EXOC4: variants seen among roughly 807,000 people sequenced by gnomAD.
EXOC4 encodes the protein exocyst complex component 4, also known as SEC8-like 1.
Under a neutral mutation model 107.2 loss-of-function variants are expected in EXOC4, and 71 were observed. The ratio of observed to expected loss-of-function variants is 0.66; its 90% CI spans 0.55 to 0.81. The LOEUF is 0.81. EXOC4 is among the 30% of genes least tolerant of loss of function. EXOC4 has a pLI of 0.00. For missense variants in EXOC4, 1,108 were observed against 1,189.6 expected, an observed-to-expected ratio of 0.93 and a Z score of 1.01; for synonymous variants, 456 against 441.2, an observed-to-expected ratio of 1.03 and a Z score of -0.42.
At chr7:133,347,923 A>G (rs186376492) in intron 5 of EXOC4, among the ~76,000 whole-genome samples, 1 of 152,308 alleles carries the variant, frequency 6.6e-6, no homozygotes, top group Non-Finnish European at 1.5e-5. Flanking sequence ...AATCAAGGGT[A>G]AGAGAACTGG....
At chr7:133,589,163 G>T (rs1479140722) in intron 9 of EXOC4, among the ~76,000 whole-genome samples, 1 of 152,166 alleles carries the variant, frequency 6.6e-6, no homozygotes, top group Non-Finnish European at 1.5e-5. Context: ...ACCTAACCGT[G>T]TCAGTGCCAT....
At chr7:133,367,448 G>T (rs1160588247) in intron 6 of EXOC4, among the ~76,000 whole-genome samples, 2 of 152,134 alleles carry the variant, frequency 1.3e-5, no homozygotes, top group African/African-American at 4.8e-5. Context: ...TTCTTGGATG[G>T]AGCAAAATAA....
At chr7:133,693,355 C>T (rs960508029) in intron 10 of EXOC4, among the ~76,000 whole-genome samples, 1 of 152,186 alleles carries the variant, frequency 6.6e-6, no homozygotes, top group African/African-American at 2.4e-5. Context: ...AGTCAAAATT[C>T]TTCCACCTTC....
At chr7:133,355,594 AT>A (rs1457001286) in intron 5 of EXOC4, among the ~76,000 whole-genome samples, 3 of 152,020 alleles carry the variant, frequency 2.0e-5, no homozygotes, top group African/African-American at 7.2e-5. Flanking sequence ...TATTTCTTCC[AT>A]TTCAGTGCCA....
intron 17 of EXOC4, among the ~76,000 whole-genome samples, chr7:134,031,698 G>A (rs1258193024): frequency 6.6e-6 from 1 of 152,142 alleles, no homozygotes; most frequent in African/African-American, 2.4e-5. Context: ...TGAAGAAATA[G>A]CAATTCCAAA....
At chr7:133,531,811 T>A (rs1220882479) in intron 9 of EXOC4, among the ~76,000 whole-genome samples, 1 of 152,072 alleles carries the variant, frequency 6.6e-6, no homozygotes, top group Non-Finnish European at 1.5e-5. Context: ...TTTTTAGAAA[T>A]TAGTTTTGGG....
chr7:133,872,552 G>A (rs979893484), intron 11 of EXOC4, among the ~76,000 whole-genome samples: 6 of 152,114 alleles, frequency 3.9e-5, no homozygotes, highest in African/African-American at 1.4e-4. Flanking sequence ...AAGAAAATGG[G>A]CAGCAGGGAC....
chr7:133,286,542 C>T lies in EXOC4; in HGVS notation c.277-2380C>T, dbSNP rs79789744. On this transcript the variant is annotated intron_variant, in intron 2 of 17. Coordinates refer to ENST00000253861, the MANE Select transcript of EXOC4 (RefSeq NM_021807.4). ...ATTTGTGTGTAAGAGGCAGGCACTA[C>T]AAACCTGATTGGAAGCTCAGAACAT... Among the ~76,000 whole-genome samples, 1,142 of 152,288 alleles carry T rather than the reference C, an allele frequency of 7.5e-3. 15 individuals carry two copies. Among genetic ancestry groups the T allele is most frequent in the African/African-American group, 0.026 (1,060 of 41,546 alleles).
chr7:133,584,031 A>G (rs1027534318), intron 9 of EXOC4, among the ~76,000 whole-genome samples: 2 of 152,178 alleles, frequency 1.3e-5, no homozygotes, highest in East Asian at 1.9e-4. Flanking sequence ...CGAGATGACT[A>G]TGGCTCAGAA....
intron 11 of EXOC4, chr7:133,895,066 C>G (rs1269146266): frequency 9.9e-6 from 1 of 100,718 alleles, no homozygotes; most frequent in Admixed American, 7.8e-5. Flanking sequence ...GACTGCTGTG[C>G]TAGCAATCAG....
intron 5 of EXOC4, among the ~76,000 whole-genome samples, chr7:133,342,504 G>A (rs995126206): frequency 6.6e-6 from 1 of 152,046 alleles, no homozygotes; most frequent in African/African-American, 2.4e-5. Flanking sequence ...ATGCCCAAGC[G>A]GTGATCTCTT....
At chr7:133,556,887 T>C (rs1387363703) in intron 9 of EXOC4, among the ~76,000 whole-genome samples, 2 of 152,194 alleles carry the variant, frequency 1.3e-5, no homozygotes, top group Non-Finnish European at 2.9e-5. Flanking sequence ...ACCTTCCTGA[T>C]ACCCTGGGAC....
At chr7:133,626,084 G>A (rs2151011054) in intron 9 of EXOC4, among the ~76,000 whole-genome samples, 1 of 152,236 alleles carries the variant, frequency 6.6e-6, no homozygotes, top group Non-Finnish European at 1.5e-5. Context: ...GTGCGTGCCT[G>A]TAATCCCAGC....
chr7:133,808,869 C>T (rs1176447901), intron 10 of EXOC4, among the ~76,000 whole-genome samples: 2 of 152,054 alleles, frequency 1.3e-5, no homozygotes, highest in Non-Finnish European at 2.9e-5. Flanking sequence ...AAAGTGTCAT[C>T]AGAATGCAGG....
chr7:133,960,601 C>T (rs1232547879), intron 14 of EXOC4, among the ~76,000 whole-genome samples: 1 of 152,174 alleles, frequency 6.6e-6, no homozygotes, highest in Non-Finnish European at 1.5e-5. Flanking sequence ...ATCACATGAT[C>T]GTCTCAATAA....
At chr7:133,366,510 A>G (rs1796252232) in intron 6 of EXOC4, among the ~76,000 whole-genome samples, 1 of 152,150 alleles carries the variant, frequency 6.6e-6, no homozygotes, top group Non-Finnish European at 1.5e-5. Flanking sequence ...TTGGCTCTTA[A>G]AGTTTGTATC....
intron 9 of EXOC4, among the ~76,000 whole-genome samples, chr7:133,498,078 C>T (rs917679053): frequency 1.4e-4 from 21 of 152,156 alleles, no homozygotes; most frequent in African/African-American, 4.3e-4. Flanking sequence ...GAGAACCAGG[C>T]ACTGAACATG....
intron 10 of EXOC4, among the ~76,000 whole-genome samples, chr7:133,746,248 C>T (rs369992364): frequency 1.3e-5 from 2 of 152,066 alleles, no homozygotes; most frequent in East Asian, 3.8e-4. Context: ...TAATTTTCCC[C>T]TATTCTGTTT....
chr7:133,513,128 G>C (rs1231465574), intron 9 of EXOC4, among the ~76,000 whole-genome samples: 6 of 152,094 alleles, frequency 3.9e-5, no homozygotes, highest in Admixed American at 2.0e-4. Flanking sequence ...AATAAATAAA[G>C]TATGTGAAAC....
Sources: gnomAD v4.1 joint callset for allele counts (sites outside exome capture counted in the v4.1 genomes callset) on GRCh38, gnomAD v4.1.1 for gene constraint, MANE v1.5 for transcripts, NCBI Gene and HGNC (gene_info 2026-07-23, HGNC 2026-07-21) for gene names.